Variants in ABI3 observed in about 807,000 individuals in gnomAD.
ABI3 encodes ABI family member 3.
A neutral mutation model predicts 37.0 loss-of-function variants in ABI3; 24 were observed. That is an observed-to-expected ratio of 0.65 (90% CI 0.47 to 0.91). The LOEUF (loss-of-function observed/expected upper bound fraction) is 0.91. ABI3 is among the 40% of genes least tolerant of loss of function. The probability of loss-of-function intolerance (pLI) is 0.00; values close to 1 mark genes in which losing one functional copy is unlikely to be tolerated. For missense variants in ABI3, 481 were observed against 485.1 expected, an observed-to-expected ratio of 0.99 and a Z score of 0.08; for synonymous variants, 220 against 211.8, an observed-to-expected ratio of 1.04 and a Z score of -0.34.
chr17:49,222,673 G>C lies in ABI3; in HGVS notation c.1059G>C (p.Gly353=), dbSNP rs1027146709. 1.9e-6 allele frequency: 3 copies of C among 1,601,720 alleles called. No individual in the cohort carries two copies. Among genetic ancestry groups the C allele is most frequent in the Middle Eastern group, 3.4e-4 (2 of 5,882 alleles). Residue 353 remains glycine, a synonymous_variant, in exon 8 of 8, where the codon GGG becomes GGC. Transcript: ENST00000225941. ...DGWCEGVSSE[G]TGFFPGNYVE... is the part of the protein sequence containing the mutation. ...GGTGCGAGGGCGTCAGCTCAGAGGG[G>C]ACTGGATTCTTCCCTGGGAACTATG...
Position 49,210,925 on chromosome 17 carries a change from A to ACT in ABI3, c.117+84_117+85insCT. ...TGCCCCAAGTGGGGCCCTGGGACCC[A>ACT]TCCTGACAGTGCTTGTCCTGGGCCT... On this transcript the variant is annotated intron_variant, in intron 1 of 7. Coordinates refer to ENST00000225941, the MANE Select transcript of ABI3 (RefSeq NM_016428.3). The surrounding 1 kb of genome is among the most constrained non-coding windows in gnomAD (Gnocchi z 4.2). The ACT allele has an allele frequency of 8.9e-7, 1 of 1,120,448 alleles. No individual in the cohort carries two copies. Among genetic ancestry groups the ACT allele is most frequent in the Non-Finnish European group, 1.3e-6 (1 of 782,226 alleles). 69.4% of individuals were successfully genotyped at this position (1,120,448 alleles called of 1,614,324 possible).
chr17:49,217,629 A>T, intron 2 of ABI3, 110 bp from the exon 3 acceptor site: 1 of 1,012,744 alleles, frequency 9.9e-7, no homozygotes, highest in Non-Finnish European at 1.4e-6. Context: ...CTCTTTTTCT[A>T]GACCTGGCTG....
At chr17:49,218,911 G>C (rs659377) in intron 3 of ABI3, among the ~76,000 whole-genome samples, 12,442 of 151,654 alleles carry the variant, frequency 0.082, 1,190 homozygotes, top group African/African-American at 0.23. Context: ...GCCACCACTC[G>C]CGGCCCAACT....
At chr17:49,217,604 GC>G (rs2043233431) in intron 2 of ABI3, 134 bp from the exon 3 acceptor site, 1 of 704,742 alleles carries the variant, frequency 1.4e-6, no homozygotes, top group East Asian at 3.5e-5. Flanking sequence ...GGGGCGGGGG[GC>G]GGGGGGCAGG....
Position 49,222,235 on chromosome 17 carries a change from T to C in ABI3, c.937+10T>C. 6.2e-7 allele frequency: 1 copy of C among 1,611,510 alleles called. No homozygotes were observed. ...TCATACTTGGAGAAAGGTACCTGAC[T>C]TCTGGGACTGAGGGGCACCGGATCC... On this transcript the variant is annotated intron_variant, in intron 7 of 7. Coordinates refer to ENST00000225941, the MANE Select transcript of ABI3 (RefSeq NM_016428.3).
At chr17:49,218,232 C>T (rs779216313) in intron 3 of ABI3, among the ~76,000 whole-genome samples, 2 of 152,232 alleles carry the variant, frequency 1.3e-5, no homozygotes, top group African/African-American at 2.4e-5. Context: ...TCAGGGTGTG[C>T]ATGAGAATGG....
Position 49,222,484 on chromosome 17 carries a change from G to C in ABI3, c.938-68G>C. On this transcript the variant is annotated intron_variant, in intron 7 of 7. Transcript: ENST00000225941. ...GTACTTGAGACCGTGCATCCCCATG[G>C]TGGTGGGGGGTGAGGGGGAGAGGGC... 3 of 1,554,562 alleles carry C rather than the reference G, an allele frequency of 1.9e-6. No individual in the cohort carries two copies. In the South Asian group the frequency reaches 3.5e-5, roughly 18 times the overall value.
chr17:49,217,918 A>C lies in ABI3; in HGVS notation c.462+3A>C, dbSNP rs375453236. The stretch of plus-strand genomic sequence containing the variant: ...ACGACATTGGCCATGGGATCAAGGT[A>C]GAGAGAGGGGCCCTCCTCTTTCCCT... On this transcript the variant is annotated splice_donor_region_variant and intron_variant, in intron 3 of 7. Transcript: ENST00000225941. 3 of 1,527,838 alleles carry C rather than the reference A, an allele frequency of 2.0e-6. No homozygotes were observed. The African/African-American group carries it at 4.3e-5, about 22-fold the overall frequency. 94.6% of individuals were successfully genotyped at this position (1,527,838 alleles called of 1,614,324 possible).
At chr17:49,221,975 T>C in intron 6 of ABI3, 116 bp from the exon 7 acceptor site, 2 of 1,379,464 alleles carry the variant, frequency 1.4e-6, no homozygotes, top group Non-Finnish European at 1.9e-6. Flanking sequence ...CGCCTTGGCC[T>C]CCCAACGTGC....
At chr17:49,221,966 G>A (rs1209820912) in intron 6 of ABI3, 125 bp from the exon 7 acceptor site, 7 of 1,317,266 alleles carry the variant, frequency 5.3e-6, no homozygotes, top group African/African-American at 1.5e-5. Context: ...TGATCTGCCC[G>A]CCTTGGCCTC....
At chr17:49,221,841 CCCG>C (rs1257434941) in intron 6 of ABI3, among the ~76,000 whole-genome samples, 2 of 152,162 alleles carry the variant, frequency 1.3e-5, no homozygotes, top group Non-Finnish European at 2.9e-5. Context: ...GCCTCAGTCT[CCCG>C]AGTAGCTGGA....
chr17:49,218,982 TA>T (rs2043250624), intron 3 of ABI3, among the ~76,000 whole-genome samples: 1 of 152,024 alleles, frequency 6.6e-6, no homozygotes, highest in African/African-American at 2.4e-5. Context: ...GCCCATGGGG[TA>T]ACACTGTACC....
chr17:49,220,521 G>A (rs139297935), intron 6 of ABI3, among the ~76,000 whole-genome samples, 195 bp downstream of exon 6: 35 of 152,328 alleles, frequency 2.3e-4, no homozygotes, highest in Non-Finnish European at 4.1e-4. Flanking sequence ...CAGACCCTGT[G>A]TTCGAAGATT....
chr17:49,216,632 G>C lies in ABI3; in HGVS notation c.219G>C (p.Leu73=), dbSNP rs1396574808. 6.2e-7 allele frequency: 1 copy of C among 1,611,778 alleles called. No individual in the cohort carries two copies. Among genetic ancestry groups the C allele is most frequent in the East Asian group, 2.2e-5 (1 of 44,704 alleles). ...YQVGNLAGHT[L]RMLDLQGAAL... is the part of the protein sequence containing the mutation. ...TGGGCAACCTGGCCGGGCACACTCT[G>C]CGCATGTTGGACCTGCAGGGGGCCG... The change falls in exon 2 of 8, where the codon CTG becomes CTC. Residue 73 remains leucine (L), a synonymous_variant. Coordinates refer to ENST00000225941, the MANE Select transcript of ABI3 (RefSeq NM_016428.3).
intron 1 of ABI3, among the ~76,000 whole-genome samples, chr17:49,211,196 T>C (rs2043163415): frequency 6.6e-6 from 1 of 152,168 alleles, no homozygotes; most frequent in Non-Finnish European, 1.5e-5. Flanking sequence ...GCGATCATTC[T>C]ATTTCCAGGC....
chr17:49,217,358 C>G (rs1038161320), intron 2 of ABI3, among the ~76,000 whole-genome samples: 2 of 152,108 alleles, frequency 1.3e-5, no homozygotes, highest in Admixed American at 1.3e-4. Flanking sequence ...ATTTGTCCCC[C>G]AAAGGGGAGA....
rs2043158666 is a variant in ABI3 at position 49,210,856 on chromosome 17, C to CGGAA, written c.117+17_117+20dup. 2 of 1,539,358 alleles carry CGGAA rather than the reference C, an allele frequency of 1.3e-6. No individual in the cohort carries two copies. Among genetic ancestry groups the CGGAA allele is most frequent in the African/African-American group, 2.7e-5 (2 of 72,878 alleles). The stretch of plus-strand genomic sequence containing the variant: ...ACTATGTGCAGGTAGGTAGAGCGGG[C>CGGAA]GGAAGCCTGACACCCCAGCCCCCGG... On this transcript the variant is annotated intron_variant, in intron 1 of 7. Coordinates refer to ENST00000225941, the MANE Select transcript of ABI3 (RefSeq NM_016428.3). The surrounding 1 kb of genome is among the most constrained non-coding windows in gnomAD (Gnocchi z 4.2).
At chr17:49,217,605 C>A in intron 2 of ABI3, 134 bp from the exon 3 acceptor site, 2 of 698,428 alleles carry the variant, frequency 2.9e-6, no homozygotes, top group Non-Finnish European at 4.2e-6. Context: ...GGGCGGGGGG[C>A]GGGGGGCAGG....
At position 49,223,021 on chromosome 17, in the gene ABI3, T is replaced by G. The variant is rs1394943510; in HGVS notation, c.*306T>G. ...AATAAAACAGATGATGTCCTGTGAC[T>G]GCCCCACAGAGATAAGGGGCCAGGA... is the stretch of plus-strand genomic sequence containing the variant. On this transcript the variant is annotated 3_prime_UTR_variant, in exon 8 of 8. Transcript: ENST00000225941. The G allele has an allele frequency of 6.1e-6, 3 of 489,110 alleles. No homozygotes were observed. Among genetic ancestry groups the G allele is most frequent in the Non-Finnish European group, 1.1e-5 (3 of 276,460 alleles). 30.3% of individuals were successfully genotyped at this position (489,110 alleles called of 1,614,324 possible).
Sources: gnomAD v4.1 joint callset for allele counts (sites outside exome capture counted in the v4.1 genomes callset) on GRCh38, gnomAD v4.1.1 for gene constraint, Gnocchi (gnomAD v3.1) non-coding constraint, MANE v1.5 for transcripts, NCBI Gene and HGNC (gene_info 2026-07-23, HGNC 2026-07-21) for gene names.